TIRAP: variants seen among roughly 807,000 people sequenced by gnomAD.
TIRAP encodes toll/interleukin-1 receptor domain-containing adapter protein.
In TIRAP, 20 loss-of-function variants were observed where a neutral mutation model predicts 19.8. The observed-to-expected ratio is 1.01, with a 90% CI of 0.71 to 1.47. TIRAP has a LOEUF of 1.47. Ranked by LOEUF, TIRAP falls within the 40% of genes most tolerant of loss-of-function variation. The pLI, the probability that TIRAP is intolerant of heterozygous loss-of-function variation, is 0.00. For synonymous variants in TIRAP, 125 were observed against 121.7 expected, an observed-to-expected ratio of 1.03 and a Z score of -0.18; for missense variants, 276 against 285.1, an observed-to-expected ratio of 0.97 and a Z score of 0.23.
At chr11:126,283,290 G>C in intron 1 of TIRAP, 137 bp downstream of exon 1, 2 of 319,442 alleles carry the variant, frequency 6.3e-6, no homozygotes, top group Non-Finnish European at 4.5e-6. Flanking sequence ...CCTCTGGTCC[G>C]GCCTTGCCCT....
rs754209020 is a variant in TIRAP, at chr11:126,287,009, T to G, written c.-216-3453T>G. ...CCTTCCTGCCTCCCTCTTGAAAGGA[T>G]CTTTGTGGTTACATTAAACTCACCT... is the stretch of plus-strand genomic sequence containing the variant. On this transcript the variant is annotated intron_variant, in intron 1 of 4. Transcript: ENST00000392679. The surrounding 1 kb of genome is among the most constrained non-coding windows in gnomAD (Gnocchi z 4.2). Among the ~76,000 whole-genome samples the G allele has an allele frequency of 3.3e-5, 5 of 152,144 alleles. No homozygotes were observed. Among genetic ancestry groups the G allele is most frequent in the Middle Eastern group, 3.2e-3 (1 of 316 alleles).
chr11:126,293,597 G>C lies in TIRAP; in HGVS notation c.647-71G>C, dbSNP rs541133540. 12 of 1,573,900 alleles carry C rather than the reference G, an allele frequency of 7.6e-6. No homozygotes were observed. The African/African-American group carries it at 1.2e-4, about 16-fold the overall frequency. ...GTGTAATAGATAAAAAGATAGAAGAGGCAGGACCTGTTGGGGAAAACAGAT... is the reference window on the plus strand; with the variant it reads ...GTGTAATAGATAAAAAGATAGAAGACGCAGGACCTGTTGGGGAAAACAGAT... On this transcript the variant is annotated intron_variant, in intron 4 of 4. Coordinates refer to ENST00000392679, the MANE Select transcript of TIRAP (RefSeq NM_001318777.2).
chr11:126,293,176 T>C, intron 4 of TIRAP, 121 bp downstream of exon 4: 1 of 1,552,976 alleles, frequency 6.4e-7, no homozygotes, highest in Non-Finnish European at 8.7e-7. Context: ...GAAAAGGCTG[T>C]CGGGGTTTGT....
intron 1 of TIRAP, among the ~76,000 whole-genome samples, chr11:126,285,320 G>A (rs1951308891): frequency 1.3e-5 from 2 of 150,614 alleles, no homozygotes; most frequent in South Asian, 4.2e-4. Flanking sequence ...GCAGTGCAAT[G>A]GCGCAGTCTC....
At position 126,294,114 on chromosome 11, in the gene TIRAP, A is replaced by G; in HGVS notation, c.*427A>G. 3.8e-6 allele frequency: 1 copy of G among 260,168 alleles called. No individual in the cohort carries two copies. The highest frequency in any genetic ancestry group is 7.6e-6 in the Non-Finnish European group (1 of 131,054). The allele number at this position is 260,168 out of a possible 1,614,324, so 16.1% of individuals were successfully genotyped here. A position where few individuals can be genotyped will look rare whatever the true frequency, so the allele number is the denominator to read the frequency against. ...CTGGCGTACACTGGTATCCCTCCTAAAGAAGTGACTCACCTGACTGATCAG... is the reference window on the plus strand; with the variant it reads ...CTGGCGTACACTGGTATCCCTCCTAGAGAAGTGACTCACCTGACTGATCAG... On this transcript the variant is annotated 3_prime_UTR_variant, in exon 5 of 5. Coordinates refer to ENST00000392679, the MANE Select transcript of TIRAP (RefSeq NM_001318777.2).
In TIRAP at chr11:126,283,147, C is replaced by G. The variant is rs1951274778; in HGVS notation, c.-223C>G. ...GCAGCCCTCATCGCAACTGGGCCCG[C>G]GCGCAGGTGAGCCCGGGGCGGGGTC... On this transcript the variant is annotated 5_prime_UTR_variant, in exon 1 of 5. Coordinates refer to ENST00000392679, the MANE Select transcript of TIRAP (RefSeq NM_001318777.2). 1.0e-6 allele frequency: 1 copy of G among 984,780 alleles called. No homozygotes were observed. Among genetic ancestry groups the G allele is most frequent in the Non-Finnish European group, 1.2e-6 (1 of 829,684 alleles). 61.0% of individuals were successfully genotyped at this position (984,780 alleles called of 1,614,324 possible). A position where few individuals can be genotyped will look rare whatever the true frequency, so the allele number is the denominator to read the frequency against.
chr11:126,292,506 C>T lies in TIRAP; in HGVS notation c.97C>T (p.Pro33Ser). 1 of 1,613,932 alleles carries T rather than the reference C, an allele frequency of 6.2e-7. No individual in the cohort carries two copies. Residue 33 changes from proline (P) to serine (S), a missense_variant, in exon 4 of 5, where the codon CCC (proline) becomes TCC (serine). Coordinates refer to ENST00000392679, the MANE Select transcript of TIRAP (RefSeq NM_001318777.2). ...GTTCAGGCAGACCCTGCTGAAGAAG[C>T]CCAAGAAGAGGCCCAACTCCCCAGA... is the stretch of plus-strand genomic sequence containing the variant. ...DWFRQTLLKKPKKRPNSPEST... is the reference protein window; with the variant it reads ...DWFRQTLLKKSKKRPNSPEST...
In TIRAP at chr11:126,283,123, CA is replaced by C; in HGVS notation, c.-246del. 1.0e-6 allele frequency: 1 copy of C among 985,172 alleles called. No individual in the cohort carries two copies. Among genetic ancestry groups the C allele is most frequent in the South Asian group, 4.7e-5 (1 of 21,288 alleles). The allele number at this position is 985,172 out of a possible 1,614,324, so 61.0% of individuals were successfully genotyped here. On this transcript the variant is annotated 5_prime_UTR_variant, in exon 1 of 5. Transcript: ENST00000392679. ...CCCCGCGGAGCCCGCGCAGTCCGCG[CA>C]GCCCTCATCGCAACTGGGCCCGCGC...
chr11:126,293,000 C>T lies in TIRAP; in HGVS notation c.591C>T (p.Val197=), dbSNP rs758804211. The change falls in exon 4 of 5, where the codon GTC becomes GTT. Residue 197 remains valine, a synonymous_variant. Coordinates refer to ENST00000392679, the MANE Select transcript of TIRAP (RefSeq NM_001318777.2). The part of the protein sequence containing the change: ...YPPELRFMYY[V]DGRGPDGGFR... ...CTGAGCTCCGATTCATGTACTACGT[C>T]GATGGCAGGGGCCCTGATGGTGGCT... 3.7e-6 allele frequency: 6 copies of T among 1,614,026 alleles called. No individual in the cohort carries two copies. Among genetic ancestry groups the T allele is most frequent in the African/African-American group, 2.7e-5 (2 of 74,918 alleles).
chr11:126,286,709 C>G (rs571740027), intron 1 of TIRAP, among the ~76,000 whole-genome samples: 49 of 152,316 alleles, frequency 3.2e-4, no homozygotes, highest in African/African-American at 1.2e-3. Context: ...TTTTAGCACT[C>G]AACTGAAATC....
rs1951394086 is a variant in TIRAP, at chr11:126,291,897, C to A, written c.68-580C>A. 2.0e-5 allele frequency among the ~76,000 whole-genome samples: 3 copies of A among 151,954 alleles called. No individual in the cohort carries two copies. The highest frequency in any genetic ancestry group is 2.0e-4 in the Admixed American group (3 of 15,256). ...TCAAAGGGCCTGGAGTAGTGCAAGGCCATTTCTCTTAACCAGGCTGGTGGA... is the reference window on the plus strand; with the variant it reads ...TCAAAGGGCCTGGAGTAGTGCAAGGACATTTCTCTTAACCAGGCTGGTGGA... On this transcript the variant is annotated intron_variant, in intron 3 of 4. Coordinates refer to ENST00000392679, the MANE Select transcript of TIRAP (RefSeq NM_001318777.2). This position sits in a 1 kb window ranked among gnomAD's most constrained non-coding sequence, Gnocchi z 5.6.
At chr11:126,292,437 C>G in intron 3 of TIRAP, 40 bp from the exon 4 acceptor site, 2 of 1,605,020 alleles carry the variant, frequency 1.2e-6, no homozygotes, top group South Asian at 1.1e-5. Context: ...GAGAGGGCAC[C>G]TGGTAACACA....
At chr11:126,289,877 T>C in intron 1 of TIRAP, 4 of 983,268 alleles carry the variant, frequency 4.1e-6, no homozygotes, top group Non-Finnish European at 4.8e-6. Flanking sequence ...TGTATTTCCA[T>C]ATAAATTTAG....
chr11:126,290,879 T>G lies in TIRAP; in HGVS notation c.-16T>G. 1 of 1,599,388 alleles carries G rather than the reference T, an allele frequency of 6.3e-7. No individual in the cohort carries two copies. The highest frequency in any genetic ancestry group is 8.5e-7 in the Non-Finnish European group (1 of 1,171,740). On this transcript the variant is annotated 5_prime_UTR_variant, in exon 3 of 5. Transcript: ENST00000392679. This position sits in a 1 kb window ranked among gnomAD's most constrained non-coding sequence, Gnocchi z 4.9. ...CCAATGCCTGGTCTCACGGGGCTAG[T>G]TTTGACCCCCACGCTATGGCATCAT... is the stretch of plus-strand genomic sequence containing the variant.
chr11:126,293,266 C>T (rs1951431340), intron 4 of TIRAP: 3 of 866,958 alleles, frequency 3.5e-6, no homozygotes, highest in Non-Finnish European at 3.7e-6. Flanking sequence ...GGTTTCCTCA[C>T]TGACCAACAG....
chr11:126,294,607 T>C lies in TIRAP; in HGVS notation c.*920T>C, dbSNP rs772382266. The stretch of plus-strand genomic sequence containing the variant: ...TTCTGGCAGATGACTGTATTCCTTA[T>C]AGGACAGGCAAGGTTTCATTCATCT... On this transcript the variant is annotated 3_prime_UTR_variant, in exon 5 of 5. Transcript: ENST00000392679. 11 of 455,072 alleles carry C rather than the reference T, an allele frequency of 2.4e-5. 1 individual carries two copies. The highest frequency in any genetic ancestry group is 1.4e-4 in the South Asian group (9 of 64,330). 28.2% of individuals were successfully genotyped at this position (455,072 alleles called of 1,614,324 possible). A position where few individuals can be genotyped will look rare whatever the true frequency, so the allele number is the denominator to read the frequency against.
intron 1 of TIRAP, among the ~76,000 whole-genome samples, chr11:126,284,598 G>A (rs1951296483): frequency 6.6e-6 from 1 of 151,908 alleles, no homozygotes; most frequent in Non-Finnish European, 1.5e-5. Flanking sequence ...GCTCACACCT[G>A]TAATCCCAGC....
Position 126,294,648 on chromosome 11 carries a change from G to A in TIRAP, c.*961G>A. The A allele has an allele frequency of 2.3e-6, 1 of 429,594 alleles. No individual in the cohort carries two copies. Among genetic ancestry groups the A allele is most frequent in the South Asian group, 1.6e-5 (1 of 60,974 alleles). 26.6% of individuals were successfully genotyped at this position (429,594 alleles called of 1,614,324 possible). Reference sequence around the variant, plus strand: ...TCATTCATCTGTTCTCAGTAAGTTTGTTGTTGAACTGAAATGAATTTCATT... The same window carrying A: ...TCATTCATCTGTTCTCAGTAAGTTTATTGTTGAACTGAAATGAATTTCATT... On this transcript the variant is annotated 3_prime_UTR_variant, in exon 5 of 5. Transcript: ENST00000392679.
chr11:126,294,203 A>G lies in TIRAP; in HGVS notation c.*516A>G. The G allele has an allele frequency of 4.0e-6, 1 of 252,572 alleles. No homozygotes were observed. The highest frequency in any genetic ancestry group is 1.0e-4 in the East Asian group (1 of 9,880). The allele number at this position is 252,572 out of a possible 1,614,324, so 15.6% of individuals were successfully genotyped here. On this transcript the variant is annotated 3_prime_UTR_variant, in exon 5 of 5. Coordinates refer to ENST00000392679, the MANE Select transcript of TIRAP (RefSeq NM_001318777.2). ...TCCTAGTTGCCTGGGGAAACCCTGGAATGGGCATCAGGAGAAAGCAACAAG... is the reference window on the plus strand; with the variant it reads ...TCCTAGTTGCCTGGGGAAACCCTGGGATGGGCATCAGGAGAAAGCAACAAG...
Sources: gnomAD v4.1 joint callset for allele counts (sites outside exome capture counted in the v4.1 genomes callset) on GRCh38, gnomAD v4.1.1 for gene constraint, Gnocchi (gnomAD v3.1) non-coding constraint, MANE v1.5 for transcripts, NCBI Gene and HGNC (gene_info 2026-07-23, HGNC 2026-07-21) for gene names.